Variants in TBL1X observed in about 807,000 individuals in gnomAD.
TBL1X encodes F-box-like/WD repeat-containing protein TBL1X.
Under a neutral mutation model 50.7 loss-of-function variants are expected in TBL1X, and 10 were observed. The ratio of observed to expected loss-of-function variants is 0.20; its 90% CI spans 0.12 to 0.33. The LOEUF (loss-of-function observed/expected upper bound fraction) is 0.33. TBL1X is among the 10% of genes least tolerant of loss of function. The pLI, the probability that TBL1X is intolerant of heterozygous loss-of-function variation, is 1.00. For synonymous variants in TBL1X, 190 were observed against 214.7 expected (o/e 0.88, Z 1.01); for missense variants, 340 against 504.4 (o/e 0.67, Z 3.12).
intron 6 of TBL1X, among the ~76,000 whole-genome samples, chrX:9,686,130 C>T (rs2083057966): frequency 1.8e-5 from 2 of 111,697 alleles, no homozygotes; most frequent in African/African-American, 6.5e-5. Context: ...AACCCCTTCA[C>T]ACTGTGTGCC....
intron 2 of TBL1X, among the ~76,000 whole-genome samples, chrX:9,547,466 T>G (rs1421111209): frequency 1.8e-5 from 2 of 111,144 alleles, no homozygotes; most frequent in Admixed American, 1.9e-4. Context: ...ACTACAGATG[T>G]GTGCTACCAC....
rs770039354 is a variant in TBL1X, at chrX:9,571,099, C to A, written c.-130-69174C>A. On this transcript the variant is annotated intron_variant, in intron 2 of 17. Transcript: ENST00000645353. ...TGTGTGGCTTAAACAATAGAAATTT[C>A]TTTTCTCACAATTCTGGAGGCTGGA... Among the ~76,000 whole-genome samples the A allele has an allele frequency of 3.6e-5, 4 of 112,122 alleles. No individual in the cohort carries two copies. The South Asian group carries it at 1.5e-3, about 42-fold the overall frequency.
At chrX:9,511,065 CA>C (rs765874452) in intron 2 of TBL1X, among the ~76,000 whole-genome samples, 2 of 112,292 alleles carry the variant, frequency 1.8e-5, no homozygotes, top group African/African-American at 6.5e-5. Flanking sequence ...CTTGTAAGTA[CA>C]GGGATTGTGT....
intron 2 of TBL1X, chrX:9,531,233 G>C: frequency 9.0e-6 from 1 of 110,766 alleles, no homozygotes; most frequent in Admixed American, 9.6e-5. Context: ...GGGAGAGACA[G>C]GGAGAGAGGG....
intron 4 of TBL1X, 114 bp from the exon 5 acceptor site, chrX:9,654,101 A>G (rs1306366412): frequency 5.4e-6 from 3 of 558,011 alleles, no homozygotes; most frequent in Non-Finnish European, 5.6e-6. Context: ...ACAATCAGAT[A>G]TTAATTACCT....
intron 2 of TBL1X, among the ~76,000 whole-genome samples, chrX:9,546,836 T>G (rs995800857): frequency 1.4e-5 from 1 of 71,492 alleles, no homozygotes; most frequent in Non-Finnish European, 2.5e-5. Context: ...TTTTTTTTTT[T>G]GAGACGGAGT....
At chrX:9,638,098 T>C (rs1032749803) in intron 2 of TBL1X, among the ~76,000 whole-genome samples, 4 of 111,658 alleles carry the variant, frequency 3.6e-5, no homozygotes, top group African/African-American at 9.8e-5. Context: ...AGCAGGTACA[T>C]GCTGTGTTGT....
intron 5 of TBL1X, among the ~76,000 whole-genome samples, chrX:9,681,938 G>A (rs1346021404): frequency 8.9e-6 from 1 of 112,743 alleles, no homozygotes; most frequent in Non-Finnish European, 1.9e-5. Context: ...AGCCACGTGA[G>A]TGGCCCCCAT....
At chrX:9,588,483 C>T (rs1267815094) in intron 2 of TBL1X, among the ~76,000 whole-genome samples, 1 of 111,397 alleles carries the variant, frequency 9.0e-6, no homozygotes, top group Non-Finnish European at 1.9e-5. Flanking sequence ...AAGTAAAGAC[C>T]ACAGGATCAG....
At chrX:9,648,097 GTC>G (rs1401176752) in intron 3 of TBL1X, among the ~76,000 whole-genome samples, 4 of 110,517 alleles carry the variant, frequency 3.6e-5, no homozygotes, top group African/African-American at 1.3e-4. Context: ...AGAAGTCAGG[GTC>G]TCTGGCGCTT....
intron 2 of TBL1X, among the ~76,000 whole-genome samples, chrX:9,505,891 G>C (rs764061564): frequency 8.9e-6 from 1 of 111,798 alleles, no homozygotes; most frequent in East Asian, 2.8e-4. Flanking sequence ...TATTAGGTCA[G>C]TGAGACAGAA....
intron 2 of TBL1X, among the ~76,000 whole-genome samples, chrX:9,587,746 A>G (rs1025859623): frequency 1.7e-4 from 19 of 111,364 alleles, no homozygotes; most frequent in African/African-American, 6.2e-4. Flanking sequence ...AGCCCAGTTT[A>G]GAACATTTTC....
Position 9,565,408 on chromosome X carries a change from A to G in TBL1X, c.-131+63559A>G, listed in dbSNP as rs778219816. On this transcript the variant is annotated intron_variant, in intron 2 of 17. Transcript: ENST00000645353. ...TTATATGAGCTATCGAAAACGTGGA[A>G]GGGTCAGTGTAAGATTGGTGGTGGG... Among the ~76,000 whole-genome samples the G allele has an allele frequency of 1.1e-4, 12 of 111,319 alleles. No individual in the cohort carries two copies. In the East Asian group the frequency reaches 1.7e-3, roughly 15 times the overall value.
chrX:9,469,344 G>A (rs1462079898), intron 1 of TBL1X, among the ~76,000 whole-genome samples: 2 of 111,224 alleles, frequency 1.8e-5, no homozygotes, highest in African/African-American at 6.5e-5. Context: ...TGTATTTTTA[G>A]TAGAGGTGGG....
At chrX:9,493,700 G>A (rs2081958216) in intron 1 of TBL1X, among the ~76,000 whole-genome samples, 1 of 111,163 alleles carries the variant, frequency 9.0e-6, no homozygotes, top group Admixed American at 9.6e-5. Flanking sequence ...AGTCGAGGCT[G>A]CAGTGAGCTG....
chrX:9,567,944 G>A lies in TBL1X; in HGVS notation c.-131+66095G>A, dbSNP rs140281789. Among the ~76,000 whole-genome samples the A allele has an allele frequency of 8.5e-3, 949 of 112,090 alleles. 6 individuals are homozygous for A. The highest frequency in any genetic ancestry group is 0.013 in the Non-Finnish European group (673 of 53,156). Reference sequence around the variant, plus strand: ...AGAAGTCCAGCCCTGGGACTTCCAGGCCGTCAGTTCAATCCTTTGAGCCTC... The same window carrying A: ...AGAAGTCCAGCCCTGGGACTTCCAGACCGTCAGTTCAATCCTTTGAGCCTC... On this transcript the variant is annotated intron_variant, in intron 2 of 17. Coordinates refer to ENST00000645353, the MANE Select transcript of TBL1X (RefSeq NM_005647.4).
chrX:9,534,471 A>G (rs905517269), intron 2 of TBL1X, among the ~76,000 whole-genome samples: 2 of 78,975 alleles, frequency 2.5e-5, no homozygotes, highest in African/African-American at 6.0e-5. Context: ...GTTCTTAGCT[A>G]TTGTGGACTT....
At chrX:9,697,990 CAGG>C (rs2083143219) in intron 12 of TBL1X, among the ~76,000 whole-genome samples, 1 of 111,216 alleles carries the variant, frequency 9.0e-6, no homozygotes, top group South Asian at 3.8e-4. Context: ...GAAGCTGAGG[CAGG>C]AGGATTGCTT....
chrX:9,625,256 A>G (rs1162284563), intron 2 of TBL1X, among the ~76,000 whole-genome samples: 1 of 112,670 alleles, frequency 8.9e-6, no homozygotes, highest in Non-Finnish European at 1.9e-5. Flanking sequence ...AAAGGAACAC[A>G]ACAGCATTCC....
Sources: gnomAD v4.1 joint callset for allele counts (sites outside exome capture counted in the v4.1 genomes callset) on GRCh38, gnomAD v4.1.1 for gene constraint, MANE v1.5 for transcripts, NCBI Gene and HGNC (gene_info 2026-07-23, HGNC 2026-07-21) for gene names.